Variants in CSMD1 observed in about 807,000 individuals in gnomAD.
The protein encoded by CSMD1 is CUB and Sushi multiple domains 1.
A neutral mutation model predicts 417.5 loss-of-function variants in CSMD1; 213 were observed. The ratio of observed to expected loss-of-function variants is 0.51; its 90% confidence interval spans 0.46 to 0.57. The LOEUF is 0.57. Among genes scored for constraint, CSMD1 ranks in the 20% least tolerant of loss-of-function variants. The probability of loss-of-function intolerance (pLI) is 0.00; values close to 1 mark genes in which losing one functional copy is unlikely to be tolerated. For missense variants in CSMD1, 6,923 were observed against 4,529.7 expected (o/e 1.53, Z -15.17); for synonymous variants, 2,862 against 1,736.8 (o/e 1.65, Z -16.11).
chr8:3,731,893 G>A (rs73187242), intron 6 of CSMD1, among the ~76,000 whole-genome samples: 7,475 of 152,248 alleles, frequency 0.049, 280 homozygotes, highest in East Asian at 0.1. Flanking sequence ...TAGAGCAGTT[G>A]AATAATGTGA....
At chr8:3,441,590 A>G (rs1331663576) in intron 12 of CSMD1, among the ~76,000 whole-genome samples, 1 of 151,676 alleles carries the variant, frequency 6.6e-6, no homozygotes, top group African/African-American at 2.4e-5. Flanking sequence ...GTCCCATAAG[A>G]TTATAATGTA....
intron 25 of CSMD1, among the ~76,000 whole-genome samples, chr8:3,291,944 G>A (rs1044589415): frequency 4.6e-5 from 7 of 151,684 alleles, no homozygotes; most frequent in African/African-American, 1.5e-4. Context: ...GATCTTTCCT[G>A]CTTTCTCTTG....
intron 12 of CSMD1, among the ~76,000 whole-genome samples, chr8:3,437,961 G>C (rs1018022990): frequency 1.3e-4 from 20 of 151,932 alleles, no homozygotes; most frequent in African/African-American, 4.6e-4. Flanking sequence ...GGCTCATCTC[G>C]AACTGCTGAC....
At chr8:4,669,024 T>C (rs1459200507) in intron 1 of CSMD1, among the ~76,000 whole-genome samples, 1 of 152,228 alleles carries the variant, frequency 6.6e-6, no homozygotes, top group Non-Finnish European at 1.5e-5. Context: ...TCATTTCCTT[T>C]GAAATATTAC....
intron 5 of CSMD1, among the ~76,000 whole-genome samples, chr8:3,792,912 G>T (rs182385210): frequency 6.6e-6 from 1 of 152,138 alleles, no homozygotes; most frequent in East Asian, 1.9e-4. Context: ...GAGATTTACC[G>T]TTAGGGTCTT....
chr8:3,524,121 GCA>G (rs1216960865), intron 10 of CSMD1, among the ~76,000 whole-genome samples: 2 of 141,246 alleles, frequency 1.4e-5, no homozygotes, highest in African/African-American at 5.4e-5. Context: ...GGACATATGT[GCA>G]CATACATACA....
chr8:3,171,539 C>G (rs1820583955), intron 37 of CSMD1, among the ~76,000 whole-genome samples: 1 of 152,114 alleles, frequency 6.6e-6, no homozygotes, highest in African/African-American at 2.4e-5. Context: ...ATTACTTATT[C>G]CATGTCTAGA....
chr8:4,492,672 T>A (rs1801764987), intron 2 of CSMD1, among the ~76,000 whole-genome samples: 1 of 152,162 alleles, frequency 6.6e-6, no homozygotes, highest in Admixed American at 6.5e-5. Context: ...TGTAGACAAC[T>A]GAAGGTAAAA....
intron 2 of CSMD1, among the ~76,000 whole-genome samples, chr8:4,601,453 G>C (rs1462883699): frequency 3.9e-5 from 6 of 152,112 alleles, no homozygotes; most frequent in Non-Finnish European, 7.4e-5. Context: ...CATCTCATCT[G>C]TTCCTGAATG....
At chr8:4,246,945 T>A (rs986531484) in intron 3 of CSMD1, among the ~76,000 whole-genome samples, 2 of 152,188 alleles carry the variant, frequency 1.3e-5, no homozygotes, top group African/African-American at 4.8e-5. Flanking sequence ...GTAGATAATA[T>A]TGAAAACTAT....
At chr8:3,323,073 C>T (rs1360472203) in intron 23 of CSMD1, among the ~76,000 whole-genome samples, 1 of 152,150 alleles carries the variant, frequency 6.6e-6, no homozygotes, top group Non-Finnish European at 1.5e-5. Flanking sequence ...ATAAATTATG[C>T]AGTTTTAAAA....
At chr8:4,145,054 A>G (rs1804026873) in intron 3 of CSMD1, among the ~76,000 whole-genome samples, 1 of 151,216 alleles carries the variant, frequency 6.6e-6, no homozygotes, top group South Asian at 2.1e-4. Flanking sequence ...ATATTTTTAA[A>G]TGTTTCTAAA....
intron 7 of CSMD1, among the ~76,000 whole-genome samples, chr8:3,671,296 G>T (rs958345872): frequency 6.8e-6 from 1 of 147,326 alleles, no homozygotes. Flanking sequence ...CACATCACAG[G>T]CACCTGATAA....
At chr8:2,970,330 G>C (rs1804340789) in intron 57 of CSMD1, among the ~76,000 whole-genome samples, 1 of 152,134 alleles carries the variant, frequency 6.6e-6, no homozygotes, top group African/African-American at 2.4e-5. Context: ...ACATGATACT[G>C]AATGTACAGT....
At chr8:4,204,969 T>A (rs1256081847) in intron 3 of CSMD1, among the ~76,000 whole-genome samples, 1 of 152,172 alleles carries the variant, frequency 6.6e-6, no homozygotes, top group Non-Finnish European at 1.5e-5. Flanking sequence ...CTATAAAAAT[T>A]GTTTTCTTAT....
chr8:3,614,314 C>T (rs1392333221), intron 8 of CSMD1, among the ~76,000 whole-genome samples: 2 of 152,052 alleles, frequency 1.3e-5, no homozygotes, highest in African/African-American at 4.8e-5. Flanking sequence ...CCCTGACGGG[C>T]TATACGTCTG....
intron 3 of CSMD1, among the ~76,000 whole-genome samples, chr8:4,297,221 G>A (rs566552499): frequency 1.3e-5 from 2 of 152,092 alleles, no homozygotes; most frequent in Admixed American, 6.6e-5. Flanking sequence ...AGAAACTGGG[G>A]ACCAAACATT....
chr8:4,085,609 G>C (rs143810200), intron 3 of CSMD1, among the ~76,000 whole-genome samples: 17 of 152,276 alleles, frequency 1.1e-4, no homozygotes, highest in African/African-American at 4.1e-4. Context: ...CAACTTGTGG[G>C]AACCTCACGG....
At chr8:4,811,687 G>C (rs535022138) in intron 1 of CSMD1, among the ~76,000 whole-genome samples, 2 of 151,874 alleles carry the variant, frequency 1.3e-5, no homozygotes, top group South Asian at 2.1e-4. Context: ...GGCTCATTGA[G>C]TCACAGAAAT....
Sources: allele counts gnomAD v4.1 joint callset (sites outside exome capture counted in the v4.1 genomes callset), GRCh38; gene constraint gnomAD v4.1.1; transcripts MANE v1.5; gene names NCBI Gene and HGNC (gene_info 2026-07-23, HGNC 2026-07-21).